Variants in MEF2C observed in about 807,000 individuals in gnomAD.
MEF2C encodes myocyte enhancer factor 2C, also known as myocyte-specific enhancer factor 2C.
A neutral mutation model predicts 50.5 loss-of-function variants in MEF2C; 6 were observed. That is an observed-to-expected ratio of 0.12 (90% CI 0.07 to 0.23). The LOEUF is 0.23. MEF2C is among the 10% of genes least tolerant of loss of function. MEF2C has a pLI of 1.00. For missense variants in MEF2C, 276 were observed against 605.0 expected (o/e 0.46, Z 5.70); for synonymous variants, 183 against 228.0 (o/e 0.80, Z 1.78).
At position 88,740,233 on chromosome 5, in the gene MEF2C, C is replaced by CGTGTGTGT. The variant is rs59497216; in HGVS notation, c.638-8340_638-8333dup. On this transcript the variant is annotated intron_variant, in intron 6 of 10. Coordinates refer to ENST00000504921, the MANE Select transcript of MEF2C (RefSeq NM_002397.5). ...GGCTGTGTTTTGTTCAGCGATTTTG[C>CGTGTGTGT]GTGTGTGTGTGTGTGTGTGTGTGTG... The CGTGTGTGT allele has an allele frequency of 7.0e-3, 6,738 of 961,638 alleles. 53 individuals are homozygous for CGTGTGTGT. Among genetic ancestry groups the CGTGTGTGT allele is most frequent in the East Asian group, 0.059 (493 of 8,322 alleles). 59.6% of individuals were successfully genotyped at this position (961,638 alleles called of 1,614,324 possible).
At chr5:88,743,106 C>T in intron 6 of MEF2C, 1 of 963,722 alleles carries the variant, frequency 1.0e-6, no homozygotes, top group Non-Finnish European at 1.2e-6. Context: ...AACTATTAAC[C>T]TAGATTTTTT....
In MEF2C at chr5:88,751,198, G is replaced by T. The variant is rs1175076763; in HGVS notation, c.589+659C>A. 26 of 979,670 alleles carry T rather than the reference G, an allele frequency of 2.7e-5. 1 individual carries two copies. In the South Asian group the frequency reaches 1.2e-3, roughly 44 times the overall value. The allele number at this position is 979,670 out of a possible 1,614,324, so 60.7% of individuals were successfully genotyped here. A position where few individuals can be genotyped will look rare whatever the true frequency, so the allele number is the denominator to read the frequency against. ...ATTGTTCTAAGTACTAAGAATGGAT[G>T]AACTTTTTCTGAGAAATAATTTATT... On this transcript the variant is annotated intron_variant, in intron 5 of 10. Coordinates refer to ENST00000504921, the MANE Select transcript of MEF2C (RefSeq NM_002397.5).
At chr5:88,855,585 C>A (rs1823012176) in intron 1 of MEF2C, among the ~76,000 whole-genome samples, 1 of 152,292 alleles carries the variant, frequency 6.6e-6, no homozygotes, top group East Asian at 1.9e-4. Flanking sequence ...CTCCACGTGT[C>A]ATGGGAGGGA....
chr5:88,827,914 T>TAA lies in MEF2C; in HGVS notation c.-142-3986_-142-3985dup, dbSNP rs5869444. On this transcript the variant is annotated intron_variant, in intron 1 of 10. Coordinates refer to ENST00000504921, the MANE Select transcript of MEF2C (RefSeq NM_002397.5). The stretch of plus-strand genomic sequence containing the variant: ...GCTAATCATTTGTTTGCTCCCACAT[T>TAA]AAAAAAAAAAAAAAGATATACTGAG... Among the ~76,000 whole-genome samples, 158 of 142,062 alleles carry TAA rather than the reference T, an allele frequency of 1.1e-3. 1 individual carries two copies. Among genetic ancestry groups the TAA allele is most frequent in the African/African-American group, 2.9e-3 (113 of 38,838 alleles). The allele number at this position is 142,062 out of a possible 152,430, so 93.2% of individuals were successfully genotyped here.
chr5:88,825,506 T>C, intron 1 of MEF2C: 1 of 984,366 alleles, frequency 1.0e-6, no homozygotes, highest in Non-Finnish European at 1.2e-6. Context: ...TTGGAGGTGG[T>C]TCAAAATTCT....
intron 1 of MEF2C, among the ~76,000 whole-genome samples, chr5:88,841,030 C>T (rs1817148731): frequency 6.6e-6 from 1 of 152,120 alleles, no homozygotes; most frequent in African/African-American, 2.4e-5. Context: ...GATTTCATGG[C>T]AATATTTCCT....
chr5:88,749,639 T>C (rs1771661961), intron 5 of MEF2C: 6 of 311,788 alleles, frequency 1.9e-5, no homozygotes, highest in Non-Finnish European at 2.8e-5. Flanking sequence ...AAGAAACATA[T>C]GCTTATTCAT....
At chr5:88,742,539 G>A in intron 6 of MEF2C, 1 of 980,420 alleles carries the variant, frequency 1.0e-6, no homozygotes, top group Non-Finnish European at 1.2e-6. Context: ...GATACAATTT[G>A]TGAAGTCAGA....
At chr5:88,730,283 A>C in intron 7 of MEF2C, 49 bp from the exon 8 acceptor site, 1 of 1,548,008 alleles carries the variant, frequency 6.5e-7, no homozygotes, top group South Asian at 1.2e-5. Context: ...GTAAATATTT[A>C]TAATTGGGCA....
At chr5:88,844,640 T>C (rs1818660719) in intron 1 of MEF2C, 3 of 769,294 alleles carry the variant, frequency 3.9e-6, no homozygotes, top group Non-Finnish European at 4.7e-6. Context: ...TAAATCTAAC[T>C]TTTTCTCTGA....
At chr5:88,837,924 A>G (rs1815811302) in intron 1 of MEF2C, among the ~76,000 whole-genome samples, 1 of 152,190 alleles carries the variant, frequency 6.6e-6, no homozygotes, top group Non-Finnish European at 1.5e-5. Context: ...TAATCCTCAA[A>G]ACAGCCTATG....
intron 2 of MEF2C, among the ~76,000 whole-genome samples, chr5:88,806,107 T>C (rs991761223): frequency 1.3e-5 from 2 of 152,120 alleles, no homozygotes; most frequent in Non-Finnish European, 2.9e-5. Context: ...GCATATTTAT[T>C]TATTTTGAGG....
At chr5:88,809,438 T>A (rs1192657259) in intron 2 of MEF2C, among the ~76,000 whole-genome samples, 1 of 152,190 alleles carries the variant, frequency 6.6e-6, no homozygotes, top group African/African-American at 2.4e-5. Flanking sequence ...CAGGCATTTG[T>A]GCTAGGTACT....
At chr5:88,801,679 G>A (rs144742729) in intron 3 of MEF2C, among the ~76,000 whole-genome samples, 644 of 152,018 alleles carry the variant, frequency 4.2e-3, no homozygotes, top group Middle Eastern at 0.01. Context: ...GTAGAGACGG[G>A]GTTTCACCAT....
intron 3 of MEF2C, among the ~76,000 whole-genome samples, chr5:88,763,274 T>C (rs1257812986): frequency 6.6e-6 from 1 of 152,338 alleles, no homozygotes; most frequent in South Asian, 2.1e-4. Context: ...TGTCCCCTTA[T>C]CTTGGATCTA....
intron 1 of MEF2C, among the ~76,000 whole-genome samples, chr5:88,855,742 G>A (rs963847926): frequency 3.3e-5 from 5 of 152,174 alleles, no homozygotes; most frequent in Non-Finnish European, 7.3e-5. Context: ...CTGTGAAGAG[G>A]TGCCTTCTGC....
chr5:88,852,120 C>T (rs558264975), intron 1 of MEF2C, among the ~76,000 whole-genome samples: 9 of 152,170 alleles, frequency 5.9e-5, no homozygotes, highest in Admixed American at 5.9e-4. Flanking sequence ...GACATCATAA[C>T]ACGATTAAAA....
At chr5:88,863,053 A>T (rs78344101) in intron 1 of MEF2C, among the ~76,000 whole-genome samples, 28 of 152,266 alleles carry the variant, frequency 1.8e-4, no homozygotes, top group Admixed American at 3.9e-4. Flanking sequence ...CTAGCCCCCA[A>T]AACTTTTTTC....
chr5:88,863,791 T>C (rs1826303770), intron 1 of MEF2C, among the ~76,000 whole-genome samples: 3 of 152,118 alleles, frequency 2.0e-5, no homozygotes, highest in Admixed American at 2.0e-4. Context: ...TCTTTTAGGT[T>C]CATTCATGTT....
Sources: allele counts gnomAD v4.1 joint callset (sites outside exome capture counted in the v4.1 genomes callset), GRCh38; gene constraint gnomAD v4.1.1; transcripts MANE v1.5; gene names NCBI Gene and HGNC (gene_info 2026-07-23, HGNC 2026-07-21).